The following PLCB1 variants were observed in gnomAD, a reference collection of about 807,000 sequenced individuals.
PLCB1 encodes phospholipase C beta 1, also known as 1-phosphatidylinositol 4,5-bisphosphate phosphodiesterase beta-1.
In PLCB1, 46 loss-of-function variants were observed where a neutral mutation model predicts 161.8. That is an observed-to-expected ratio of 0.28 (90% CI 0.22 to 0.36). The LOEUF (loss-of-function observed/expected upper bound fraction) is 0.36, where lower values mean the gene tolerates loss of function less well. Ranked by LOEUF, PLCB1 falls within the 10% of genes least tolerant of loss-of-function variation. PLCB1 has a pLI of 1.00. For missense variants in PLCB1, 1,016 were observed against 1,472.5 expected (o/e 0.69, Z 5.07); for synonymous variants, 517 against 503.7 (o/e 1.03, Z -0.35).
Position 8,883,068 on chromosome 20 carries a change from T to C in PLCB1, c.*1219T>C, listed in dbSNP as rs891711513. 6.6e-6 allele frequency: 1 copy of C among 152,550 alleles called. No individual in the cohort carries two copies. The highest frequency in any genetic ancestry group is 1.5e-5 in the Non-Finnish European group (1 of 68,010). 9.4% of individuals were successfully genotyped at this position (152,550 alleles called of 1,614,324 possible). ...CGCTAAGAAATAATTGATGGAGCCATTGATGCAAACCGAAGTAGATTTAGA... is the reference window on the plus strand; with the variant it reads ...CGCTAAGAAATAATTGATGGAGCCACTGATGCAAACCGAAGTAGATTTAGA... On this transcript the variant is annotated 3_prime_UTR_variant, in exon 32 of 32. Coordinates refer to ENST00000338037, the MANE Select transcript of PLCB1 (RefSeq NM_015192.4).
At chr20:8,214,435 TC>T (rs1979007648) in intron 2 of PLCB1, among the ~76,000 whole-genome samples, 1 of 152,198 alleles carries the variant, frequency 6.6e-6, no homozygotes, top group South Asian at 2.1e-4. Flanking sequence ...AGACCCCTCC[TC>T]CCCCTTTGCC....
At chr20:8,633,491 C>A (rs1196194494) in intron 4 of PLCB1, among the ~76,000 whole-genome samples, 1 of 151,946 alleles carries the variant, frequency 6.6e-6, no homozygotes. Flanking sequence ...AGTCATCATA[C>A]TTTTTAATGA....
At chr20:8,395,602 C>T (rs1481862869) in intron 3 of PLCB1, among the ~76,000 whole-genome samples, 1 of 151,888 alleles carries the variant, frequency 6.6e-6, no homozygotes, top group African/African-American at 2.4e-5. Context: ...TGGGATATTT[C>T]ACATGAGTTG....
intron 3 of PLCB1, among the ~76,000 whole-genome samples, chr20:8,434,044 GTTTC>G (rs1452127454): frequency 6.6e-6 from 1 of 152,106 alleles, no homozygotes; most frequent in African/African-American, 2.4e-5. Flanking sequence ...TGACTAACAT[GTTTC>G]TTTCTTTCTC....
chr20:8,427,884 C>T (rs1274198816), intron 3 of PLCB1, among the ~76,000 whole-genome samples: 1 of 152,122 alleles, frequency 6.6e-6, no homozygotes, highest in Non-Finnish European at 1.5e-5. Flanking sequence ...GTTATCTGTA[C>T]AGCAGTTGAG....
chr20:8,464,645 T>A (rs1415380987), intron 3 of PLCB1, among the ~76,000 whole-genome samples: 2 of 152,222 alleles, frequency 1.3e-5, no homozygotes, highest in Non-Finnish European at 2.9e-5. Flanking sequence ...TAGTCCCATG[T>A]CTTATATAAT....
At chr20:8,171,671 A>G (rs780991614) in intron 2 of PLCB1, among the ~76,000 whole-genome samples, 2 of 152,134 alleles carry the variant, frequency 1.3e-5, no homozygotes, top group Non-Finnish European at 2.9e-5. Context: ...ATCAGTGCTT[A>G]TGTTGGAAGC....
At chr20:8,564,549 A>G (rs1316769610) in intron 3 of PLCB1, among the ~76,000 whole-genome samples, 1 of 152,122 alleles carries the variant, frequency 6.6e-6, no homozygotes, top group African/African-American at 2.4e-5. Flanking sequence ...TGAACAGACA[A>G]CCTACAGAAT....
At chr20:8,201,942 T>C (rs76742644) in intron 2 of PLCB1, among the ~76,000 whole-genome samples, 6,840 of 152,322 alleles carry the variant, frequency 0.045, 195 homozygotes, top group Middle Eastern at 0.13. Flanking sequence ...TGTAGATCCT[T>C]CTTGATTCCT....
chr20:8,592,312 C>A (rs1470422619), intron 3 of PLCB1, among the ~76,000 whole-genome samples: 1 of 152,196 alleles, frequency 6.6e-6, no homozygotes, highest in Non-Finnish European at 1.5e-5. Flanking sequence ...AACTAAGCAG[C>A]AAAGTAGCAT....
chr20:8,718,439 G>A (rs764794022), intron 14 of PLCB1, among the ~76,000 whole-genome samples: 15 of 152,272 alleles, frequency 9.9e-5, no homozygotes, highest in South Asian at 6.2e-4. Context: ...TCCTGGAGGC[G>A]CTAAGGGAGA....
chr20:8,270,756 A>G (rs1982245220), intron 2 of PLCB1, among the ~76,000 whole-genome samples: 1 of 152,062 alleles, frequency 6.6e-6, no homozygotes, highest in East Asian at 1.9e-4. Flanking sequence ...CTTAAATCCA[A>G]TGTTTCCTCT....
intron 3 of PLCB1, among the ~76,000 whole-genome samples, chr20:8,405,654 A>C (rs1015057473): frequency 2.6e-5 from 4 of 152,182 alleles, no homozygotes; most frequent in African/African-American, 9.7e-5. Context: ...AAACCTGGAC[A>C]ATCAAGTAGC....
chr20:8,150,009 A>G (rs2051493382), intron 1 of PLCB1, among the ~76,000 whole-genome samples: 1 of 152,118 alleles, frequency 6.6e-6, no homozygotes, highest in Non-Finnish European at 1.5e-5. Context: ...ATTATTTGAA[A>G]AGCTAAATAT....
chr20:8,703,441 C>G (rs1056907166), intron 11 of PLCB1, among the ~76,000 whole-genome samples: 1 of 152,040 alleles, frequency 6.6e-6, no homozygotes, highest in Non-Finnish European at 1.5e-5. Flanking sequence ...ATCTGTAAGG[C>G]TAACATGGTA....
At chr20:8,772,828 G>A (rs765167426) in intron 26 of PLCB1, among the ~76,000 whole-genome samples, 8 of 152,148 alleles carry the variant, frequency 5.3e-5, no homozygotes, top group Non-Finnish European at 1.0e-4. Flanking sequence ...AGCTACGGAG[G>A]CTGAGGTAGG....
chr20:8,508,881 A>G (rs1212205142), intron 3 of PLCB1, among the ~76,000 whole-genome samples: 2 of 152,142 alleles, frequency 1.3e-5, no homozygotes, highest in African/African-American at 4.8e-5. Context: ...CCAACAAAAG[A>G]TTTTTTGGGG....
rs184876934 is a variant in PLCB1 at position 8,842,699 on chromosome 20, T to C, written c.3424-38923T>C. Among the ~76,000 whole-genome samples the C allele has an allele frequency of 9.2e-5, 14 of 152,254 alleles. No homozygotes were observed. In the East Asian group the frequency reaches 1.2e-3, roughly 13 times the overall value. Reference sequence around the variant, plus strand: ...GGGGGTATGAGTGAAAGGGTCATGATTGATTGAGCAAGCAGGCGGTGCGTG... The same window carrying C: ...GGGGGTATGAGTGAAAGGGTCATGACTGATTGAGCAAGCAGGCGGTGCGTG... On this transcript the variant is annotated intron_variant, in intron 31 of 31. Coordinates refer to ENST00000338037, the MANE Select transcript of PLCB1 (RefSeq NM_015192.4).
Position 8,801,945 on chromosome 20 carries a change from C to T in PLCB1, c.3423+11684C>T, listed in dbSNP as rs78180194. 3.2e-3 allele frequency: 2,387 copies of T among 740,578 alleles called. 48 individuals carry two copies. The highest frequency in any genetic ancestry group is 0.032 in the African/African-American group (1,832 of 57,336). The allele number at this position is 740,578 out of a possible 1,614,324, so 45.9% of individuals were successfully genotyped here. ...GGCAAACAGAGGAGTTAAAACTGTA[C>T]TCTAGAAGGCACTCCAAGAGACGTC... On this transcript the variant is annotated intron_variant, in intron 31 of 31. Coordinates refer to ENST00000338037, the MANE Select transcript of PLCB1 (RefSeq NM_015192.4).
Sources: gnomAD v4.1 joint callset for allele counts (sites outside exome capture counted in the v4.1 genomes callset) on GRCh38, gnomAD v4.1.1 for gene constraint, MANE v1.5 for transcripts, NCBI Gene and HGNC (gene_info 2026-07-23, HGNC 2026-07-21) for gene names.